DDX10: variants seen among roughly 807,000 people sequenced by gnomAD.
DDX10 encodes DEAD-box helicase 10.
Under a neutral mutation model 104.3 loss-of-function variants are expected in DDX10, and 74 were observed. The ratio of observed to expected loss-of-function variants is 0.71; its 90% CI spans 0.59 to 0.86. DDX10 has a LOEUF of 0.86. Among genes scored for constraint, DDX10 ranks in the 40% least tolerant of loss-of-function variants. The pLI is 0.00. For missense variants in DDX10, 952 were observed against 1,040.0 expected (o/e 0.92, Z 1.16); for synonymous variants, 351 against 353.4 (o/e 0.99, Z 0.08).
chr11:108,723,279 G>A lies in DDX10; in HGVS notation c.1782G>A (p.Glu594=), dbSNP rs536837985. 12 of 1,613,556 alleles carry A rather than the reference G, an allele frequency of 7.4e-6. No homozygotes were observed. The South Asian group carries it at 1.2e-4, about 16-fold the overall frequency. The change falls in exon 13 of 18, where the codon GAG becomes GAA. Residue 594 remains glutamate, a synonymous_variant. Coordinates refer to ENST00000322536, the MANE Select transcript of DDX10 (RefSeq NM_004398.4). ...EEEDDEEEME[E]KLAKAKGSQA... ...AAGACGATGAAGAAGAAATGGAAGA[G>A]AAACTGGCAAAAGCAAAAGGATCTC...
intron 13 of DDX10, among the ~76,000 whole-genome samples, chr11:108,829,627 A>G (rs1413393337): frequency 6.6e-6 from 1 of 152,042 alleles, no homozygotes; most frequent in Non-Finnish European, 1.5e-5. Flanking sequence ...TTTTTGCTGC[A>G]TTTGCTTTTG....
At chr11:108,917,741 G>T in intron 16 of DDX10, 132 bp from the exon 17 acceptor site, 1 of 783,782 alleles carries the variant, frequency 1.3e-6, no homozygotes, top group Non-Finnish European at 2.0e-6. Flanking sequence ...AGTCACATAA[G>T]GGCCTACACC....
chr11:108,881,566 G>A (rs533053026), intron 16 of DDX10, among the ~76,000 whole-genome samples: 44 of 152,264 alleles, frequency 2.9e-4, no homozygotes, highest in African/African-American at 1.0e-3. Context: ...TAGAAGCCAT[G>A]CTTTGAGTAC....
intron 13 of DDX10, among the ~76,000 whole-genome samples, chr11:108,756,523 T>C (rs1048696391): frequency 2.6e-5 from 4 of 152,050 alleles, no homozygotes; most frequent in African/African-American, 9.7e-5. Context: ...GCTCCATGCA[T>C]TTGGATTTGT....
chr11:108,888,747 T>C (rs17108703), intron 16 of DDX10, among the ~76,000 whole-genome samples: 18,818 of 152,042 alleles, frequency 0.12, 1,382 homozygotes, highest in East Asian at 0.25. Flanking sequence ...GATATACATA[T>C]TGATGTGTCT....
In DDX10 at chr11:108,674,551, C is replaced by T. The variant is rs191601799; in HGVS notation, c.247+1024C>T. On this transcript the variant is annotated intron_variant, in intron 2 of 17. Transcript: ENST00000322536. Reference sequence around the variant, plus strand: ...TTTAAGATAGGGTCTTGCTCCGTCACCCAGGGTGCAGTGCAGTTGTGTGAT... The same window carrying T: ...TTTAAGATAGGGTCTTGCTCCGTCATCCAGGGTGCAGTGCAGTTGTGTGAT... 2.7e-4 allele frequency among the ~76,000 whole-genome samples: 41 copies of T among 151,624 alleles called. 1 individual carries two copies. The highest frequency in any genetic ancestry group is 2.4e-3 in the Admixed American group (37 of 15,214).
At chr11:108,710,860 G>A (rs2094283429) in intron 10 of DDX10, among the ~76,000 whole-genome samples, 1 of 152,148 alleles carries the variant, frequency 6.6e-6, no homozygotes, top group Non-Finnish European at 1.5e-5. Context: ...AGCTTCACTA[G>A]CACACTGCAG....
intron 13 of DDX10, among the ~76,000 whole-genome samples, chr11:108,740,045 G>A (rs1042733640): frequency 1.4e-5 from 2 of 146,284 alleles, no homozygotes; most frequent in African/African-American, 5.1e-5. Flanking sequence ...TAGGTAAATT[G>A]CATGTCATGG....
chr11:108,805,636 T>G (rs941432409), intron 13 of DDX10, among the ~76,000 whole-genome samples: 1 of 152,204 alleles, frequency 6.6e-6, no homozygotes, highest in African/African-American at 2.4e-5. Flanking sequence ...ATTGCTGAGT[T>G]GATATCACAA....
In DDX10 at chr11:108,679,668, T is replaced by C. The variant is rs992434190; in HGVS notation, c.848+108T>C. 9.8e-6 allele frequency: 8 copies of C among 812,568 alleles called. No homozygotes were observed. In the East Asian group the frequency reaches 1.1e-4, roughly 11 times the overall value. 50.3% of individuals were successfully genotyped at this position (812,568 alleles called of 1,614,324 possible). A position where few individuals can be genotyped will look rare whatever the true frequency, so the allele number is the denominator to read the frequency against. ...GGGAATTAAGACATTCTATGAGTTATTGGTTATGCAAAGCATAGTAAATAT... is the reference window on the plus strand; with the variant it reads ...GGGAATTAAGACATTCTATGAGTTACTGGTTATGCAAAGCATAGTAAATAT... On this transcript the variant is annotated intron_variant, in intron 6 of 17. Transcript: ENST00000322536.
intron 15 of DDX10, among the ~76,000 whole-genome samples, chr11:108,847,000 G>A (rs1325689363): frequency 3.3e-5 from 5 of 152,166 alleles, no homozygotes; most frequent in African/African-American, 1.2e-4. Context: ...TGTCGTTGTA[G>A]CCTTTAAGCA....
chr11:108,712,350 G>C (rs2094285505), intron 10 of DDX10, among the ~76,000 whole-genome samples: 2 of 151,936 alleles, frequency 1.3e-5, no homozygotes, highest in South Asian at 4.2e-4. Context: ...ACTGTTTTTT[G>C]TTAGTTGCCC....
chr11:108,938,470 G>A (rs890549899), intron 17 of DDX10, among the ~76,000 whole-genome samples: 1 of 152,190 alleles, frequency 6.6e-6, no homozygotes, highest in Non-Finnish European at 1.5e-5. Context: ...TGATGTATAG[G>A]CAGAGCAAAT....
intron 13 of DDX10, among the ~76,000 whole-genome samples, chr11:108,794,829 T>C (rs970540252): frequency 6.6e-6 from 1 of 151,776 alleles, no homozygotes; most frequent in Non-Finnish European, 1.5e-5. Flanking sequence ...TCTCTCTCTC[T>C]CTCTTTTTTT....
chr11:108,748,753 T>G (rs2094334781), intron 13 of DDX10, among the ~76,000 whole-genome samples: 1 of 152,108 alleles, frequency 6.6e-6, no homozygotes. Flanking sequence ...TGATCATAGC[T>G]CACTGCAGCC....
At chr11:108,666,286 T>C (rs2094210018) in intron 1 of DDX10, among the ~76,000 whole-genome samples, 1 of 152,196 alleles carries the variant, frequency 6.6e-6, no homozygotes, top group African/African-American at 2.4e-5. Flanking sequence ...GAGACCAGCC[T>C]GACCAACATG....
At chr11:108,781,195 T>G (rs2134539354) in intron 13 of DDX10, among the ~76,000 whole-genome samples, 1 of 152,300 alleles carries the variant, frequency 6.6e-6, no homozygotes, top group Non-Finnish European at 1.5e-5. Flanking sequence ...CATTTAGGCT[T>G]ATGGCCACCA....
At chr11:108,865,582 A>G (rs753909840) in intron 16 of DDX10, among the ~76,000 whole-genome samples, 3 of 152,074 alleles carry the variant, frequency 2.0e-5, no homozygotes, top group Non-Finnish European at 4.4e-5. Flanking sequence ...TTTTACTGGC[A>G]CACAAGAAGA....
intron 10 of DDX10, among the ~76,000 whole-genome samples, chr11:108,715,351 A>G (rs2094290016): frequency 6.6e-6 from 1 of 152,130 alleles, no homozygotes; most frequent in African/African-American, 2.4e-5. Context: ...ATGTCTCTGC[A>G]AAAGAAAAAG....
Sources: allele counts gnomAD v4.1 joint callset (sites outside exome capture counted in the v4.1 genomes callset), GRCh38; gene constraint gnomAD v4.1.1; transcripts MANE v1.5; gene names NCBI Gene and HGNC (gene_info 2026-07-23, HGNC 2026-07-21).